The following IPO11 variants were observed in gnomAD, a reference collection of about 807,000 sequenced individuals.
IPO11 encodes the protein importin 11, also known as importin-11.
Under a neutral mutation model 143.2 loss-of-function variants are expected in IPO11, and 66 were observed. That is an observed-to-expected ratio of 0.46 (90% confidence interval 0.38 to 0.57). The LOEUF (loss-of-function observed/expected upper bound fraction) is 0.57. Ranked by LOEUF, IPO11 falls within the 20% of genes least tolerant of loss-of-function variation. The probability of loss-of-function intolerance (pLI) is 0.00; values close to 1 mark genes in which losing one functional copy is unlikely to be tolerated. For synonymous variants in IPO11, 385 were observed against 377.8 expected (o/e 1.02, Z -0.22); for missense variants, 1,026 against 1,141.0 (o/e 0.90, Z 1.45).
At chr5:62,478,239 C>T (rs987006877) in intron 9 of IPO11, among the ~76,000 whole-genome samples, 2 of 152,288 alleles carry the variant, frequency 1.3e-5, no homozygotes, top group East Asian at 1.9e-4. Context: ...GATCTTGACT[C>T]ACTGCAGCCT....
At chr5:62,545,900 A>G (rs1363078426) in intron 24 of IPO11, among the ~76,000 whole-genome samples, 2 of 152,204 alleles carry the variant, frequency 1.3e-5, no homozygotes, top group Non-Finnish European at 2.9e-5. Flanking sequence ...ACAATGAGAT[A>G]CCATCTCACA....
chr5:62,429,576 C>T (rs1352381318), intron 1 of IPO11, among the ~76,000 whole-genome samples: 1 of 135,550 alleles, frequency 7.4e-6, no homozygotes, highest in African/African-American at 2.8e-5. Context: ...CCACCATGCC[C>T]GTCTGATTTT....
chr5:62,598,461 TCTCTCTCTCTCTCTCTCTCTCTCTCTC>T (rs1745339306), intron 28 of IPO11, among the ~76,000 whole-genome samples: 2 of 3,678 alleles, frequency 5.4e-4, no homozygotes, highest in Non-Finnish European at 9.0e-4. Flanking sequence ...TCTCTCTCTC[TCTCTCTCTCTCTCTCTCTCTCTCTCTC>T]TCTCTCTTTC....
chr5:62,537,343 T>G, intron 24 of IPO11, 54 bp downstream of exon 24: 3 of 1,169,648 alleles, frequency 2.6e-6, no homozygotes, highest in Non-Finnish European at 3.8e-6. Flanking sequence ...TTATATTTTA[T>G]GAAATTGGAC....
chr5:62,523,929 G>GA (rs1742283468), intron 20 of IPO11, among the ~76,000 whole-genome samples: 1 of 151,970 alleles, frequency 6.6e-6, no homozygotes, highest in South Asian at 2.1e-4. Flanking sequence ...TTCTTCTGTG[G>GA]AAAAAATTAT....
chr5:62,611,056 C>T (rs1745910525), intron 29 of IPO11, among the ~76,000 whole-genome samples: 1 of 152,100 alleles, frequency 6.6e-6, no homozygotes, highest in African/African-American at 2.4e-5. Context: ...ATTTTCATTT[C>T]TAGATGATAC....
intron 27 of IPO11, among the ~76,000 whole-genome samples, chr5:62,567,284 A>G (rs1431573270): frequency 6.6e-6 from 1 of 151,978 alleles, no homozygotes; most frequent in Non-Finnish European, 1.5e-5. Flanking sequence ...CTGCTGCCAG[A>G]TGTGTTGGAG....
At chr5:62,520,514 C>T (rs1318851294) in intron 20 of IPO11, among the ~76,000 whole-genome samples, 3 of 152,056 alleles carry the variant, frequency 2.0e-5, no homozygotes, top group Non-Finnish European at 4.4e-5. Flanking sequence ...CTAATGTTAT[C>T]CCTCCCCACT....
intron 5 of IPO11, among the ~76,000 whole-genome samples, chr5:62,465,235 T>C (rs940056569): frequency 5.9e-5 from 9 of 152,224 alleles, no homozygotes; most frequent in African/African-American, 1.9e-4. Flanking sequence ...ATTTTAATGA[T>C]GTATGTGTTG....
intron 28 of IPO11, 58 bp from the exon 29 acceptor site, chr5:62,601,706 T>C: frequency 1.2e-6 from 1 of 849,476 alleles, no homozygotes; most frequent in Non-Finnish European, 1.7e-6. Context: ...AAGGACTTAT[T>C]TTTAAGTGTA....
chr5:62,475,886 G>A (rs1386251960), intron 8 of IPO11, among the ~76,000 whole-genome samples: 5 of 152,140 alleles, frequency 3.3e-5, no homozygotes, highest in Non-Finnish European at 5.9e-5. Flanking sequence ...CCTTTATTTG[G>A]ACATACACAT....
chr5:62,435,210 G>GTATATATATGTACATATA lies in IPO11; in HGVS notation c.-6-2063_-6-2062insATATATATGTACATATAT, dbSNP rs769669064. Among the ~76,000 whole-genome samples, 5 of 92,320 alleles carry GTATATATATGTACATATA rather than the reference G, an allele frequency of 5.4e-5. 1 individual carries two copies. Among genetic ancestry groups the GTATATATATGTACATATA allele is most frequent in the Non-Finnish European group, 8.3e-5 (4 of 48,426 alleles). The allele number at this position is 92,320 out of a possible 152,430, so 60.6% of individuals were successfully genotyped here. A position where few individuals can be genotyped will look rare whatever the true frequency, so the allele number is the denominator to read the frequency against. On this transcript the variant is annotated intron_variant, in intron 1 of 29. Coordinates refer to ENST00000325324, the MANE Select transcript of IPO11 (RefSeq NM_016338.5). ...TATATGTATATATATGTATATATAT[G>GTATATATATGTACATATA]TGTATATATATATATATCAGAGCAG...
At chr5:62,419,232 G>A (rs1046445557) in intron 1 of IPO11, 5 of 1,221,814 alleles carry the variant, frequency 4.1e-6, no homozygotes, top group Admixed American at 2.8e-5. Context: ...TACCTCGAAT[G>A]GAGCTTGGAG....
intron 1 of IPO11, among the ~76,000 whole-genome samples, chr5:62,416,261 C>A (rs1743293587): frequency 6.7e-6 from 1 of 148,556 alleles, no homozygotes; most frequent in Admixed American, 6.8e-5. Context: ...CAGGTCACTG[C>A]AACCTCCGCC....
chr5:62,581,414 G>A (rs538359446), intron 27 of IPO11: 2 of 866,526 alleles, frequency 2.3e-6, no homozygotes, highest in Middle Eastern at 3.5e-4. Flanking sequence ...TGAATTATAT[G>A]AGGTTAGCAT....
rs1561308788 is a variant in IPO11, at chr5:62,435,108, A to ATGTATATATATGTATATATATG, written c.-6-2157_-6-2156insATGTATATATATGTGTATATAT. On this transcript the variant is annotated intron_variant, in intron 1 of 29. Coordinates refer to ENST00000325324, the MANE Select transcript of IPO11 (RefSeq NM_016338.5). ...TGTATATATGTATATATGTATATAT[A>ATGTATATATATGTATATATATG]TGTATATATGTATATATGTATATAT... 1.1e-4 allele frequency among the ~76,000 whole-genome samples: 6 copies of ATGTATATATATGTATATATATG among 55,506 alleles called. No individual in the cohort carries two copies. The East Asian group carries it at 2.1e-3, about 19-fold the overall frequency. 36.4% of individuals were successfully genotyped at this position (55,506 alleles called of 152,430 possible). A position where few individuals can be genotyped will look rare whatever the true frequency, so the allele number is the denominator to read the frequency against.
In IPO11 at chr5:62,470,460, C is replaced by G. The variant is rs185722497; in HGVS notation, c.708+152C>G. 2.6e-3 allele frequency: 1,719 copies of G among 672,748 alleles called. 3 individuals carry two copies. The highest frequency in any genetic ancestry group is 3.6e-3 in the Non-Finnish European group (1,393 of 389,154). 41.7% of individuals were successfully genotyped at this position (672,748 alleles called of 1,614,324 possible). A position where few individuals can be genotyped will look rare whatever the true frequency, so the allele number is the denominator to read the frequency against. ...CCATTCTGACTTTTAGACTTCTGGT[C>G]TGTTTTCACTACATCAAAGTGGCTG... is the stretch of plus-strand genomic sequence containing the variant. On this transcript the variant is annotated intron_variant, in intron 7 of 29. Transcript: ENST00000325324.
In IPO11 at chr5:62,591,635, G is replaced by A. The variant is rs768185522; in HGVS notation, c.2641G>A (p.Val881Ile). The A allele has an allele frequency of 2.5e-6, 4 of 1,609,424 alleles. No individual in the cohort carries two copies. Among genetic ancestry groups the A allele is most frequent in the South Asian group, 2.2e-5 (2 of 89,764 alleles). ...INISVEGLHDVMTEDPETGTY... is the reference protein window; with the variant it reads ...INISVEGLHDIMTEDPETGTY... ...CATTTCAGTAGAAGGCCTGCATGAT[G>A]TCATGACGGAAGATCCTGAAACAGG... The change falls in exon 28 of 30, where the codon GTC becomes ATC. Residue 881 changes from valine (V) to isoleucine (I), a missense_variant. This residue lies in a region of IPO11 where 351 missense variants were observed against 358.9 expected (regional missense o/e 0.98). Coordinates refer to ENST00000325324, the MANE Select transcript of IPO11 (RefSeq NM_016338.5).
intron 29 of IPO11, among the ~76,000 whole-genome samples, chr5:62,616,724 A>G (rs1477619198): frequency 5.8e-5 from 3 of 51,414 alleles, no homozygotes; most frequent in Non-Finnish European, 1.6e-4. Flanking sequence ...TGACTCAAAA[A>G]AAAAAAAAAA....
Sources: allele counts gnomAD v4.1 joint callset (sites outside exome capture counted in the v4.1 genomes callset), GRCh38; gene constraint gnomAD v4.1.1; regional missense constraint gnomAD v4.1.1; transcripts MANE v1.5; gene names NCBI Gene and HGNC (gene_info 2026-07-23, HGNC 2026-07-21).